Variants in METTL2A observed in about 807,000 individuals in gnomAD.
METTL2A encodes tRNA N(3)-cytidine methyltransferase METTL2A.
METTL2A carries 45 observed loss-of-function variants against 49.4 expected under a neutral mutation model. The ratio of observed to expected loss-of-function variants is 0.91; its 90% CI spans 0.72 to 1.17. The LOEUF is 1.17. Among genes scored for constraint, METTL2A ranks in the 50% most tolerant of loss-of-function variants. The pLI, the probability that METTL2A is intolerant of heterozygous loss-of-function variation, is 0.00. For synonymous variants in METTL2A, 118 were observed against 167.5 expected, an observed-to-expected ratio of 0.70 and a Z score of 2.28; for missense variants, 361 against 462.2, an observed-to-expected ratio of 0.78 and a Z score of 2.01.
At chr17:62,426,744 C>T in intron 3 of METTL2A, 90 bp downstream of exon 3, 1 of 922,442 alleles carries the variant, frequency 1.1e-6, no homozygotes, top group Non-Finnish European at 1.6e-6. Context: ...ACAAAAGTAA[C>T]TTCTATTGGA....
intron 6 of METTL2A, among the ~76,000 whole-genome samples, chr17:62,441,463 T>C (rs1053041449): frequency 6.6e-6 from 1 of 152,174 alleles, no homozygotes; most frequent in African/African-American, 2.4e-5. Context: ...TTTTATTTTT[T>C]TGAGATGGAG....
At chr17:62,435,188 C>A (rs780309623) in intron 4 of METTL2A, 44 bp from the exon 5 acceptor site, 6 of 1,613,844 alleles carry the variant, frequency 3.7e-6, no homozygotes, top group Non-Finnish European at 5.1e-6. Context: ...GTAGACATAG[C>A]TCGATTTGTA....
intron 7 of METTL2A, 60 bp from the exon 8 acceptor site, chr17:62,447,641 G>C (rs1471793333): frequency 3.1e-5 from 50 of 1,591,534 alleles, no homozygotes; most frequent in Non-Finnish European, 4.2e-5. Context: ...ACATTCCTTA[G>C]CAATGCGAGT....
chr17:62,432,394 C>T (rs7215165), intron 4 of METTL2A, among the ~76,000 whole-genome samples: 2,870 of 152,218 alleles, frequency 0.019, 73 homozygotes, highest in African/African-American at 0.066. Context: ...GTAGGCCAGG[C>T]GCAGTGGCCC....
chr17:62,425,389 CTTTTTT>C (rs746253160), intron 2 of METTL2A, among the ~76,000 whole-genome samples: 1 of 78,218 alleles, frequency 1.3e-5, no homozygotes, highest in Non-Finnish European at 2.3e-5. Flanking sequence ...ACTGTCCATA[CTTTTTT>C]TTTTTTTTTG....
chr17:62,428,401 C>T (rs1255914200), intron 4 of METTL2A, among the ~76,000 whole-genome samples: 1 of 152,192 alleles, frequency 6.6e-6, no homozygotes, highest in Non-Finnish European at 1.5e-5. Flanking sequence ...TCAAAAACAG[C>T]TGGGTGTCCT....
chr17:62,424,345 C>T, intron 2 of METTL2A, 35 bp downstream of exon 2: 1 of 1,613,016 alleles, frequency 6.2e-7, no homozygotes, highest in Non-Finnish European at 8.5e-7. Context: ...GTATCAACAG[C>T]CAGCGTACTG....
At chr17:62,437,341 C>A (rs1220797713) in intron 5 of METTL2A, among the ~76,000 whole-genome samples, 5 of 152,056 alleles carry the variant, frequency 3.3e-5, no homozygotes, top group Non-Finnish European at 7.4e-5. Context: ...AACCTAAGGG[C>A]ACAAAATACA....
At chr17:62,447,371 G>C (rs2070775966) in intron 7 of METTL2A, among the ~76,000 whole-genome samples, 1 of 152,158 alleles carries the variant, frequency 6.6e-6, no homozygotes, top group Admixed American at 6.6e-5. Flanking sequence ...AGTGATCCGA[G>C]GTCACGCCAT....
intron 5 of METTL2A, among the ~76,000 whole-genome samples, chr17:62,438,576 CAAA>C (rs35559687): frequency 1.4e-4 from 11 of 76,880 alleles, no homozygotes; most frequent in East Asian, 5.4e-4. Flanking sequence ...GACTCTGTTT[CAAA>C]AAAAAAAAAA....
At chr17:62,447,646 G>A in intron 7 of METTL2A, 55 bp from the exon 8 acceptor site, 1 of 1,598,904 alleles carries the variant, frequency 6.3e-7, no homozygotes, top group Non-Finnish European at 8.6e-7. Context: ...CCTTAGCAAT[G>A]CGAGTCAAAG....
Position 62,449,332 on chromosome 17 carries a change from A to G in METTL2A, c.*603A>G. The G allele has an allele frequency of 2.3e-6, 1 of 433,030 alleles. No individual in the cohort carries two copies. Among genetic ancestry groups the G allele is most frequent in the South Asian group, 1.6e-5 (1 of 61,290 alleles). The allele number at this position is 433,030 out of a possible 1,614,324, so 26.8% of individuals were successfully genotyped here. ...AGCAAGCTGGGAAGAATCAGATCAG[A>G]TATTTTCCTGACAAAAAAAAATGAC... On this transcript the variant is annotated 3_prime_UTR_variant, in exon 9 of 9. Coordinates refer to ENST00000311506, the MANE Select transcript of METTL2A (RefSeq NM_181725.4).
At chr17:62,434,298 TC>T (rs1037310351) in intron 4 of METTL2A, among the ~76,000 whole-genome samples, 18 of 152,144 alleles carry the variant, frequency 1.2e-4, no homozygotes, top group African/African-American at 4.3e-4. Context: ...ATGCTGCAGT[TC>T]CCCAGGTTTT....
At chr17:62,437,495 C>T (rs987941063) in intron 5 of METTL2A, among the ~76,000 whole-genome samples, 39 of 152,236 alleles carry the variant, frequency 2.6e-4, no homozygotes, top group African/African-American at 9.1e-4. Flanking sequence ...CTTACAAGCT[C>T]ACCCTGTTCA....
At chr17:62,447,571 G>T (rs2070777445) in intron 7 of METTL2A, 130 bp from the exon 8 acceptor site, 15 of 906,294 alleles carry the variant, frequency 1.7e-5, no homozygotes, top group Non-Finnish European at 2.7e-5. Flanking sequence ...CTGTTGAGCT[G>T]CTCTTCCCGA....
rs1396756918 is a variant in METTL2A at position 62,450,247 on chromosome 17, C to CATTTTTTTTTTTTTTTTTTTTTTT, written c.*1518_*1519insATTTTTTTTTTTTTTTTTTTTTTT. 2.5e-4 allele frequency: 20 copies of CATTTTTTTTTTTTTTTTTTTTTTT among 80,540 alleles called. 7 individuals carry two copies. The highest frequency in any genetic ancestry group is 1.7e-4 in the Non-Finnish European group (8 of 47,276). 5.0% of individuals were successfully genotyped at this position (80,540 alleles called of 1,614,324 possible). ...TGTGATCATTATCAGTGTTAGATGC[C>CATTTTTTTTTTTTTTTTTTTTTTT]TTTTTTTTTTTTTTTTTTTTTTTTT... On this transcript the variant is annotated 3_prime_UTR_variant, in exon 9 of 9. Coordinates refer to ENST00000311506, the MANE Select transcript of METTL2A (RefSeq NM_181725.4).
At position 62,447,751 on chromosome 17, in the gene METTL2A, T is replaced by TA. The variant is rs1567738192; in HGVS notation, c.968dup (p.Tyr323Ter). The change falls in exon 8 of 9, where the codon TAC becomes TAAC. Residue 323 changes from tyrosine to a stop codon, truncating the protein, a stop_gained and frameshift_variant. Transcript: ENST00000311506. LOFTEE classifies it high-confidence loss of function. The stretch of plus-strand genomic sequence containing the variant: ...CGTGAGAGGTGATGGAACCAGAGTT[T>TA]ACTTCTTCACACAAGGTATGAAACA... ...FYVRGDGTRV[Y>*]FFTQEELDTL... The TA allele has an allele frequency of 1.9e-6, 3 of 1,614,232 alleles. No homozygotes were observed. Among genetic ancestry groups the TA allele is most frequent in the Non-Finnish European group, 2.5e-6 (3 of 1,180,022 alleles).
rs1386472186 is a variant in METTL2A at position 62,426,408 on chromosome 17, A to G, written c.312A>G (p.Ala104=). Residue 104 remains alanine (A), a synonymous_variant, in exon 3 of 9, where the codon GCA becomes GCG. Coordinates refer to ENST00000311506, the MANE Select transcript of METTL2A (RefSeq NM_181725.4). ...HWLFTEFPEL[A]PSQNQNHLKD... ...TTTTTACCGAATTCCCTGAGCTGGCACCTAGCCAAAATCAAAATCATTTGA... is the reference window on the plus strand; with the variant it reads ...TTTTTACCGAATTCCCTGAGCTGGCGCCTAGCCAAAATCAAAATCATTTGA... 1.4e-5 allele frequency: 23 copies of G among 1,614,004 alleles called. No homozygotes were observed. Among genetic ancestry groups the G allele is most frequent in the Non-Finnish European group, 1.9e-5 (23 of 1,180,034 alleles).
At position 62,452,687 on chromosome 17, in the gene METTL2A, C is replaced by T. The variant is rs1455782808; in HGVS notation, c.*3958C>T. On this transcript the variant is annotated 3_prime_UTR_variant, in exon 9 of 9. Transcript: ENST00000311506. The stretch of plus-strand genomic sequence containing the variant: ...GGAATGCAGCAGCACGATCACTGCT[C>T]ACTGCAGCCTCGACCTCCCAGGCTC... Among the ~76,000 whole-genome samples the T allele has an allele frequency of 6.6e-6, 1 of 152,184 alleles. No homozygotes were observed. The highest frequency in any genetic ancestry group is 1.5e-5 in the Non-Finnish European group (1 of 68,042).
Sources: allele counts gnomAD v4.1 joint callset (sites outside exome capture counted in the v4.1 genomes callset), GRCh38; gene constraint gnomAD v4.1.1; transcripts MANE v1.5; gene names NCBI Gene and HGNC (gene_info 2026-07-23, HGNC 2026-07-21).